TRIM71: variants seen among roughly 807,000 people sequenced by gnomAD.
The protein encoded by TRIM71 is E3 ubiquitin-protein ligase TRIM71.
Under a neutral mutation model 61.2 loss-of-function variants are expected in TRIM71, and 9 were observed. The observed-to-expected ratio is 0.15, with a 90% confidence interval of 0.09 to 0.26. TRIM71 has a LOEUF of 0.26. Ranked by LOEUF, TRIM71 falls within the 10% of genes least tolerant of loss-of-function variation. TRIM71 has a pLI of 1.00. For synonymous variants in TRIM71, 645 were observed against 553.2 expected, an observed-to-expected ratio of 1.17 and a Z score of -2.33; for missense variants, 998 against 1,238.7, an observed-to-expected ratio of 0.81 and a Z score of 2.92.
chr3:32,878,011 A>G (rs908861253), intron 2 of TRIM71, among the ~76,000 whole-genome samples: 1 of 152,234 alleles, frequency 6.6e-6, no homozygotes, highest in African/African-American at 2.4e-5. Context: ...GGCACCTGGA[A>G]TGGTAAATTT....
At chr3:32,835,551 G>A (rs1395024998) in intron 1 of TRIM71, among the ~76,000 whole-genome samples, 1 of 152,132 alleles carries the variant, frequency 6.6e-6, no homozygotes, top group East Asian at 1.9e-4. Flanking sequence ...GGAAAATAAC[G>A]TTTTGTTTAG....
At chr3:32,879,204 A>T (rs77634090) in intron 2 of TRIM71, among the ~76,000 whole-genome samples, 181 of 152,370 alleles carry the variant, frequency 1.2e-3, no homozygotes, top group Non-Finnish European at 2.0e-3. Context: ...ACTTTGGCTT[A>T]AGGAGATGTT....
chr3:32,863,986 T>G (rs955149571), intron 1 of TRIM71, among the ~76,000 whole-genome samples: 1 of 152,174 alleles, frequency 6.6e-6, no homozygotes, highest in Non-Finnish European at 1.5e-5. Context: ...CCTGAACTTC[T>G]TGTGTGTAGT....
At chr3:32,859,056 G>A (rs1465403725) in intron 1 of TRIM71, among the ~76,000 whole-genome samples, 1 of 152,050 alleles carries the variant, frequency 6.6e-6, no homozygotes, top group Non-Finnish European at 1.5e-5. Context: ...TCCTGGCTTC[G>A]TGACCTGCTC....
rs1279567313 is a variant in TRIM71 at position 32,893,400 on chromosome 3, G to T, written c.*1589G>T. The T allele has an allele frequency of 2.0e-5, 3 of 152,214 alleles. No individual in the cohort carries two copies. The highest frequency in any genetic ancestry group is 2.9e-5 in the Non-Finnish European group (2 of 68,068). The allele number at this position is 152,214 out of a possible 1,614,324, so 9.4% of individuals were successfully genotyped here. A position where few individuals can be genotyped will look rare whatever the true frequency, so the allele number is the denominator to read the frequency against. ...AGCTGGACTTGGGTACAAAACTTGT[G>T]CTTCTGGGCATTGTCTGTCTTTCAA... On this transcript the variant is annotated 3_prime_UTR_variant, in exon 4 of 4. Transcript: ENST00000383763.
chr3:32,874,345 CT>C (rs1320860751), intron 2 of TRIM71, among the ~76,000 whole-genome samples: 54 of 149,360 alleles, frequency 3.6e-4, no homozygotes, highest in Middle Eastern at 3.4e-3. Flanking sequence ...ACTACTACTA[CT>C]ACTACTACTA....
intron 1 of TRIM71, among the ~76,000 whole-genome samples, chr3:32,823,750 CGG>C (rs1696166694): frequency 6.8e-6 from 1 of 146,026 alleles, no homozygotes; most frequent in Non-Finnish European, 1.5e-5. Context: ...GCCTGGGTGA[CGG>C]AGCGAGACTA....
chr3:32,885,373 G>A (rs1053043971), intron 2 of TRIM71, among the ~76,000 whole-genome samples: 1 of 152,146 alleles, frequency 6.6e-6, no homozygotes, highest in Non-Finnish European at 1.5e-5. Flanking sequence ...CTCTGACCAC[G>A]GGGCACAGCT....
intron 1 of TRIM71, among the ~76,000 whole-genome samples, chr3:32,862,690 A>G (rs1696684516): frequency 6.6e-6 from 1 of 152,242 alleles, no homozygotes; most frequent in South Asian, 2.1e-4. Context: ...TTAAAAATAT[A>G]TAATTTACAT....
chr3:32,847,651 A>G (rs1180429826), intron 1 of TRIM71, among the ~76,000 whole-genome samples: 5 of 152,238 alleles, frequency 3.3e-5, no homozygotes, highest in Admixed American at 3.3e-4. Flanking sequence ...GCAAGTACAC[A>G]TTGACTATCT....
intron 1 of TRIM71, among the ~76,000 whole-genome samples, chr3:32,856,532 T>TAA (rs1402369033): frequency 6.6e-6 from 1 of 152,138 alleles, no homozygotes; most frequent in African/African-American, 2.4e-5. Context: ...TACTGGATGT[T>TAA]AAAAATAGGA....
At chr3:32,825,786 A>G (rs1302918729) in intron 1 of TRIM71, among the ~76,000 whole-genome samples, 1 of 152,066 alleles carries the variant, frequency 6.6e-6, no homozygotes, top group Non-Finnish European at 1.5e-5. Flanking sequence ...TTTCTTCTTG[A>G]CCTTTCAAGC....
At chr3:32,824,568 T>C (rs1375697151) in intron 1 of TRIM71, among the ~76,000 whole-genome samples, 1 of 152,056 alleles carries the variant, frequency 6.6e-6, no homozygotes, top group Admixed American at 6.6e-5. Flanking sequence ...CTTAAAGCCT[T>C]GACTTCTCAG....
In TRIM71 at chr3:32,818,164, C is replaced by T. The variant is rs1696077988; in HGVS notation, c.84C>T (p.Asn28=). The T allele has an allele frequency of 1.2e-6, 2 of 1,605,614 alleles. No individual in the cohort carries two copies. Among genetic ancestry groups the T allele is most frequent in the Non-Finnish European group, 1.7e-6 (2 of 1,176,418 alleles). Residue 28 remains asparagine, a synonymous_variant, in exon 1 of 4, where the codon AAC becomes AAT. Coordinates refer to ENST00000383763, the MANE Select transcript of TRIM71 (RefSeq NM_001039111.3). ...GCTCGCCGGCGCCGCTCTCCTCCAA[C>T]TCGTCCGCGTCGTCGTCCTCCTCGC... ...MCGSPAPLSS[N]SSASSSSSQT... is the part of the protein sequence containing the mutation.
chr3:32,830,897 A>G (rs1443941311), intron 1 of TRIM71, among the ~76,000 whole-genome samples: 2 of 151,910 alleles, frequency 1.3e-5, no homozygotes, highest in East Asian at 1.9e-4. Flanking sequence ...TGCAACCTCT[A>G]CCTCCTGGGT....
intron 1 of TRIM71, among the ~76,000 whole-genome samples, chr3:32,862,517 C>T (rs866011423): frequency 4.6e-5 from 7 of 152,350 alleles, no homozygotes; most frequent in Middle Eastern, 3.4e-3. Flanking sequence ...GACTGAGTTA[C>T]ATGGCCACCT....
chr3:32,894,850 AAAG>A lies in TRIM71; in HGVS notation c.*3043_*3045del, dbSNP rs1309858731. ...ATGCCAGGTAGCCAGGAGTTGGGTCAAAGAAGGGAGTCGTCATCCTGATGGAAA... is the reference window on the plus strand; with the variant it reads ...ATGCCAGGTAGCCAGGAGTTGGGTCAAAGGGAGTCGTCATCCTGATGGAAA... On this transcript the variant is annotated 3_prime_UTR_variant, in exon 4 of 4. Coordinates refer to ENST00000383763, the MANE Select transcript of TRIM71 (RefSeq NM_001039111.3). The A allele has an allele frequency of 2.6e-5, 4 of 152,202 alleles. No homozygotes were observed. Among genetic ancestry groups the A allele is most frequent in the African/African-American group, 4.8e-5 (2 of 41,454 alleles). The allele number at this position is 152,202 out of a possible 1,614,324, so 9.4% of individuals were successfully genotyped here.
intron 3 of TRIM71, among the ~76,000 whole-genome samples, 178 bp downstream of exon 3, chr3:32,886,246 C>T (rs1336277045): frequency 1.3e-5 from 2 of 152,170 alleles, no homozygotes; most frequent in African/African-American, 4.8e-5. Context: ...ATTGTGGGTG[C>T]TGTCTGCAGT....
intron 2 of TRIM71, among the ~76,000 whole-genome samples, chr3:32,885,162 T>C (rs766175665): frequency 6.6e-6 from 1 of 152,144 alleles, no homozygotes; most frequent in Non-Finnish European, 1.5e-5. Context: ...ACCCTCCTGA[T>C]TGAATCACCT....
Sources: allele counts gnomAD v4.1 joint callset (sites outside exome capture counted in the v4.1 genomes callset), GRCh38; gene constraint gnomAD v4.1.1; transcripts MANE v1.5; gene names NCBI Gene and HGNC (gene_info 2026-07-23, HGNC 2026-07-21).